Variants in LHFPL3 observed in about 807,000 individuals in gnomAD.
The protein encoded by LHFPL3 is LHFPL tetraspan subfamily member 3 protein.
In LHFPL3, 5 loss-of-function variants were observed where a neutral mutation model predicts 19.3. The observed-to-expected ratio is 0.26, with a 90% CI of 0.14 to 0.54. LHFPL3 has a LOEUF of 0.54. Among genes scored for constraint, LHFPL3 ranks in the 20% least tolerant of loss-of-function variants. The pLI is 0.94. For missense variants in LHFPL3, 249 were observed against 307.4 expected, an observed-to-expected ratio of 0.81 and a Z score of 1.42; for synonymous variants, 133 against 126.2, an observed-to-expected ratio of 1.05 and a Z score of -0.36.
At chr7:104,413,728 T>G (rs1366501374) in intron 1 of LHFPL3, among the ~76,000 whole-genome samples, 1 of 152,226 alleles carries the variant, frequency 6.6e-6, no homozygotes, top group Non-Finnish European at 1.5e-5. Context: ...CGAACCATCA[T>G]GCATTCTTCT....
chr7:104,805,248 T>A (rs1214770091), intron 2 of LHFPL3, among the ~76,000 whole-genome samples: 1 of 152,222 alleles, frequency 6.6e-6, no homozygotes, highest in Non-Finnish European at 1.5e-5. Flanking sequence ...TGACGATATC[T>A]GGGGCCCTTC....
At chr7:104,587,869 A>G (rs1051024133) in intron 1 of LHFPL3, among the ~76,000 whole-genome samples, 5 of 152,182 alleles carry the variant, frequency 3.3e-5, no homozygotes, top group African/African-American at 1.2e-4. Flanking sequence ...TCTGATGGCC[A>G]GTGATGATGA....
chr7:104,577,521 T>C (rs1562939959), intron 1 of LHFPL3, among the ~76,000 whole-genome samples: 1 of 152,174 alleles, frequency 6.6e-6, no homozygotes, highest in Non-Finnish European at 1.5e-5. Context: ...GAGTTGTTTA[T>C]AGATAAATGC....
chr7:104,583,974 T>C (rs369123232), intron 1 of LHFPL3, among the ~76,000 whole-genome samples: 12 of 151,484 alleles, frequency 7.9e-5, no homozygotes, highest in East Asian at 3.9e-4. Flanking sequence ...ACCCAAAGGA[T>C]TATAAATCAT....
intron 2 of LHFPL3, among the ~76,000 whole-genome samples, chr7:104,761,441 A>C (rs974739474): frequency 2.6e-5 from 4 of 152,142 alleles, no homozygotes; most frequent in African/African-American, 9.7e-5. Context: ...AATAGGAGGA[A>C]AAGCCACCAG....
intron 1 of LHFPL3, among the ~76,000 whole-genome samples, chr7:104,473,403 G>T (rs965525203): frequency 2.6e-5 from 4 of 152,162 alleles, no homozygotes; most frequent in Non-Finnish European, 4.4e-5. Flanking sequence ...ACAGCAAATG[G>T]CATGCAGGTT....
chr7:104,391,925 G>T (rs1300000791), intron 1 of LHFPL3, among the ~76,000 whole-genome samples: 1 of 152,054 alleles, frequency 6.6e-6, no homozygotes. Flanking sequence ...GGATTCCTAG[G>T]TATTTTATTC....
intron 2 of LHFPL3, among the ~76,000 whole-genome samples, chr7:104,814,966 T>C (rs1381723380): frequency 2.0e-5 from 3 of 152,148 alleles, no homozygotes; most frequent in East Asian, 1.9e-4. Context: ...CCTGGGTCCA[T>C]AGCTGCAGTT....
At chr7:104,434,928 GCTTA>G (rs1295750300) in intron 1 of LHFPL3, among the ~76,000 whole-genome samples, 12 of 151,846 alleles carry the variant, frequency 7.9e-5, no homozygotes, top group Non-Finnish European at 1.5e-4. Context: ...TTAGGCATTT[GCTTA>G]CTTATTAATT....
intron 1 of LHFPL3, among the ~76,000 whole-genome samples, chr7:104,639,853 G>A (rs1166639720): frequency 1.3e-5 from 2 of 151,998 alleles, no homozygotes; most frequent in Non-Finnish European, 2.9e-5. Context: ...CTGTATATTT[G>A]GAAACATACT....
At chr7:104,570,452 C>T (rs1446505744) in intron 1 of LHFPL3, among the ~76,000 whole-genome samples, 1 of 152,184 alleles carries the variant, frequency 6.6e-6, no homozygotes, top group Non-Finnish European at 1.5e-5. Context: ...CATAGATAGA[C>T]CTGAATTCAA....
chr7:104,398,940 C>T (rs1434899648), intron 1 of LHFPL3, among the ~76,000 whole-genome samples: 1 of 152,128 alleles, frequency 6.6e-6, no homozygotes, highest in Non-Finnish European at 1.5e-5. Flanking sequence ...TGGTTTCCTC[C>T]CTTGATGGTT....
At chr7:104,402,093 A>T (rs1024741728) in intron 1 of LHFPL3, among the ~76,000 whole-genome samples, 16 of 151,826 alleles carry the variant, frequency 1.1e-4, no homozygotes, top group African/African-American at 3.9e-4. Flanking sequence ...TAAACTAAAA[A>T]AAAAAAAACA....
At chr7:104,368,843 A>G (rs979719325) in intron 1 of LHFPL3, among the ~76,000 whole-genome samples, 1 of 152,228 alleles carries the variant, frequency 6.6e-6, no homozygotes, top group African/African-American at 2.4e-5. Context: ...CAAACATTGT[A>G]CCAAGTGCTG....
At chr7:104,740,309 A>C (rs1396938097) in intron 2 of LHFPL3, among the ~76,000 whole-genome samples, 2 of 152,228 alleles carry the variant, frequency 1.3e-5, no homozygotes, top group Admixed American at 6.5e-5. Flanking sequence ...TATCACTTAC[A>C]TCCCATAATG....
At chr7:104,658,078 C>T (rs1169642292) in intron 1 of LHFPL3, among the ~76,000 whole-genome samples, 1 of 152,204 alleles carries the variant, frequency 6.6e-6, no homozygotes, top group Non-Finnish European at 1.5e-5. Context: ...TACATAATTT[C>T]AAGTAAAATT....
At chr7:104,774,000 G>T (rs1794602655) in intron 2 of LHFPL3, among the ~76,000 whole-genome samples, 2 of 152,240 alleles carry the variant, frequency 1.3e-5, no homozygotes, top group Admixed American at 1.3e-4. Context: ...CAACTTCCGT[G>T]TAGTCACACA....
chr7:104,363,106 TCTC>T (rs1185027799), intron 1 of LHFPL3, among the ~76,000 whole-genome samples: 1 of 152,312 alleles, frequency 6.6e-6, no homozygotes, highest in African/African-American at 2.4e-5. Context: ...AGGGCAGTCT[TCTC>T]CTCAAGGGAG....
chr7:104,366,154 G>A (rs766187768), intron 1 of LHFPL3, among the ~76,000 whole-genome samples: 11 of 152,192 alleles, frequency 7.2e-5, no homozygotes, highest in Admixed American at 1.3e-4. Context: ...GGGCACAAGA[G>A]TGTGGGAAAG....
Sources: gnomAD v4.1 joint callset for allele counts (sites outside exome capture counted in the v4.1 genomes callset) on GRCh38, gnomAD v4.1.1 for gene constraint, MANE v1.5 for transcripts, NCBI Gene and HGNC (gene_info 2026-07-23, HGNC 2026-07-21) for gene names.